Variants in STON2 observed in about 807,000 individuals in gnomAD.
The protein encoded by STON2 is stonin 2.
STON2 carries 29 observed loss-of-function variants against 65.7 expected under a neutral mutation model. That is an observed-to-expected ratio of 0.44 (90% CI 0.33 to 0.60). The LOEUF (loss-of-function observed/expected upper bound fraction) is 0.60, where lower values mean the gene tolerates loss of function less well. Among genes scored for constraint, STON2 ranks in the 20% least tolerant of loss-of-function variants. STON2 has a pLI of 0.03. For synonymous variants in STON2, 404 were observed against 414.2 expected, an observed-to-expected ratio of 0.98 and a Z score of 0.30; for missense variants, 1,054 against 1,118.1, an observed-to-expected ratio of 0.94 and a Z score of 0.82.
At chr14:81,320,521 A>C (rs555940442) in intron 5 of STON2, among the ~76,000 whole-genome samples, 1 of 146,906 alleles carries the variant, frequency 6.8e-6, no homozygotes, top group Admixed American at 6.9e-5. Context: ...TGAGGGCTGA[A>C]GTTTTCACTC....
rs1311497397 is a variant in STON2 at position 81,278,075 on chromosome 14, T to C, written c.1407A>G (p.Leu469=). The C allele has an allele frequency of 1.2e-6, 2 of 1,614,078 alleles. No individual in the cohort carries two copies. Among genetic ancestry groups the C allele is most frequent in the African/African-American group, 1.3e-5 (1 of 74,948 alleles). The change falls in exon 6 of 8, where the codon CTA becomes CTG. Residue 469 remains leucine (L), a synonymous_variant. Transcript: ENST00000614646. ...PDDDPVAWIE[L]DAHPPGSARS... ...GTGCTGATCCAGGCGGGTGAGCATCTAGTTCAATCCAGGCTACTGGGTCAT... is the reference window on the plus strand; with the variant it reads ...GTGCTGATCCAGGCGGGTGAGCATCCAGTTCAATCCAGGCTACTGGGTCAT...
At chr14:81,340,465 G>T (rs1202268688) in intron 4 of STON2, among the ~76,000 whole-genome samples, 1 of 152,176 alleles carries the variant, frequency 6.6e-6, no homozygotes, top group Non-Finnish European at 1.5e-5. Context: ...TGGCTCTATA[G>T]ATCTTAAATA....
intron 7 of STON2, among the ~76,000 whole-genome samples, chr14:81,269,099 G>A (rs1403820595): frequency 1.3e-5 from 2 of 151,972 alleles, no homozygotes; most frequent in African/African-American, 4.8e-5. Context: ...TCCACTTCCC[G>A]GGCTCAAGTG....
chr14:81,272,077 C>G (rs1282127657), intron 6 of STON2, among the ~76,000 whole-genome samples: 2 of 152,220 alleles, frequency 1.3e-5, no homozygotes, highest in East Asian at 3.9e-4. Flanking sequence ...AAAAAATTAG[C>G]CGGGCGTGGT....
intron 1 of STON2, among the ~76,000 whole-genome samples, chr14:81,399,664 C>T (rs1486331903): frequency 2.0e-5 from 3 of 152,174 alleles, no homozygotes; most frequent in Non-Finnish European, 4.4e-5. Context: ...TTTTCAGAAA[C>T]ACATTTTCAT....
intron 3 of STON2, among the ~76,000 whole-genome samples, chr14:81,376,914 C>T (rs893343897): frequency 1.3e-5 from 2 of 152,164 alleles, no homozygotes; most frequent in Non-Finnish European, 2.9e-5. Flanking sequence ...CCTAATCACT[C>T]TCTCTTGAAT....
In STON2 at chr14:81,295,749, T is replaced by A. The variant is rs928127721; in HGVS notation, c.743-17010A>T. Among the ~76,000 whole-genome samples the A allele has an allele frequency of 2.1e-4, 32 of 152,196 alleles. 1 individual carries two copies. Among genetic ancestry groups the A allele is most frequent in the Non-Finnish European group, 2.9e-5 (2 of 68,030 alleles). Reference sequence around the variant, plus strand: ...ATGAATTCATTTCAAAGCACATTGGTTTTACAGATGTTCAAGTCACCAAGT... The same window carrying A: ...ATGAATTCATTTCAAAGCACATTGGATTTACAGATGTTCAAGTCACCAAGT... On this transcript the variant is annotated intron_variant, in intron 5 of 7. Transcript: ENST00000614646.
At chr14:81,316,187 T>A (rs1469358919) in intron 5 of STON2, among the ~76,000 whole-genome samples, 1 of 152,150 alleles carries the variant, frequency 6.6e-6, no homozygotes, top group Non-Finnish European at 1.5e-5. Flanking sequence ...TCATTTACAG[T>A]CACCAAGCAA....
intron 4 of STON2, chr14:81,333,474 T>C (rs1482927490): frequency 7.6e-6 from 2 of 264,560 alleles, no homozygotes; most frequent in Non-Finnish European, 1.4e-5. Flanking sequence ...ATGGCTCTAA[T>C]TTTGCTGACG....
At chr14:81,377,914 C>A (rs1899329260) in intron 3 of STON2, among the ~76,000 whole-genome samples, 1 of 151,086 alleles carries the variant, frequency 6.6e-6, no homozygotes, top group South Asian at 2.1e-4. Flanking sequence ...ATGGCATGAT[C>A]TCAGCTCACC....
intron 1 of STON2, among the ~76,000 whole-genome samples, chr14:81,430,248 G>A (rs527389815): frequency 2.0e-5 from 3 of 152,302 alleles, no homozygotes; most frequent in South Asian, 2.1e-4. Flanking sequence ...TGTTGGTCTC[G>A]CTGTGGTTTA....
At chr14:81,304,544 G>A (rs529787700) in intron 5 of STON2, among the ~76,000 whole-genome samples, 3 of 152,248 alleles carry the variant, frequency 2.0e-5, no homozygotes, top group South Asian at 2.1e-4. Context: ...CCAACATGGT[G>A]AAACCCTGTC....
chr14:81,278,245 T>C lies in STON2; in HGVS notation c.1237A>G (p.Arg413Gly). 6.2e-7 allele frequency: 1 copy of C among 1,614,166 alleles called. No individual in the cohort carries two copies. Among genetic ancestry groups the C allele is most frequent in the East Asian group, 2.2e-5 (1 of 44,864 alleles). ...SISSTTGKSQ[R>G]DSLIVIYQDA... The stretch of plus-strand genomic sequence containing the variant: ...TGGTAGATGACAATGAGGGAATCTC[T>C]TTGGCTTTTGCCCGTGGTACTGGAA... Residue 413 changes from arginine (R) to glycine (G), a missense_variant, in exon 6 of 8, where the codon AGA (arginine) becomes GGA (glycine). Physicochemically the swap from Arg to Gly is moderately radical, Grantham distance 125. Transcript: ENST00000614646.
intron 3 of STON2, among the ~76,000 whole-genome samples, chr14:81,377,952 A>G (rs1051598927): frequency 6.6e-6 from 1 of 151,912 alleles, no homozygotes; most frequent in Non-Finnish European, 1.5e-5. Context: ...GGTTCAAGCA[A>G]TTCTCCTGCC....
intron 5 of STON2, among the ~76,000 whole-genome samples, chr14:81,321,398 G>C (rs1896816769): frequency 6.7e-6 from 1 of 149,954 alleles, no homozygotes; most frequent in Non-Finnish European, 1.5e-5. Context: ...AAGAATTCCA[G>C]AAACCAGAAA....
At chr14:81,396,879 C>T (rs780129048) in intron 2 of STON2, among the ~76,000 whole-genome samples, 1 of 152,026 alleles carries the variant, frequency 6.6e-6, no homozygotes, top group Non-Finnish European at 1.5e-5. Context: ...ACCAACATGG[C>T]AAAACCCCAT....
At chr14:81,348,441 G>C (rs1897900010) in intron 4 of STON2, among the ~76,000 whole-genome samples, 1 of 151,998 alleles carries the variant, frequency 6.6e-6, no homozygotes. Context: ...ACAAAAATCA[G>C]TAGCAGTTCT....
At chr14:81,369,503 T>C (rs1193309077) in intron 4 of STON2, among the ~76,000 whole-genome samples, 1 of 152,164 alleles carries the variant, frequency 6.6e-6, no homozygotes, top group African/African-American at 2.4e-5. Flanking sequence ...GGGCCCATTT[T>C]GCAACTCTCC....
intron 4 of STON2, among the ~76,000 whole-genome samples, chr14:81,347,735 C>T (rs939533118): frequency 3.9e-5 from 3 of 77,562 alleles, no homozygotes; most frequent in Non-Finnish European, 9.4e-5. Flanking sequence ...GAGACCCCCT[C>T]CCCCTTCTCT....
Sources: gnomAD v4.1 joint callset for allele counts (sites outside exome capture counted in the v4.1 genomes callset) on GRCh38, gnomAD v4.1.1 for gene constraint, MANE v1.5 for transcripts, NCBI Gene and HGNC (gene_info 2026-07-23, HGNC 2026-07-21) for gene names.